LRP2: variants seen among roughly 807,000 people sequenced by gnomAD.
LRP2 encodes low-density lipoprotein receptor-related protein 2.
In LRP2, 172 loss-of-function variants were observed where a neutral mutation model predicts 531.0. That is an observed-to-expected ratio of 0.32 (90% confidence interval 0.29 to 0.37). The LOEUF is 0.37. Among genes scored for constraint, LRP2 ranks in the 10% least tolerant of loss-of-function variants. The pLI is 1.00. For missense variants in LRP2, 5,167 were observed against 5,868.3 expected (o/e 0.88, Z 3.90); for synonymous variants, 1,992 against 2,027.6 (o/e 0.98, Z 0.47).
intron 63 of LRP2, among the ~76,000 whole-genome samples, chr2:169,161,984 G>T (rs921311621): frequency 6.6e-6 from 1 of 152,154 alleles, no homozygotes; most frequent in African/African-American, 2.4e-5. Flanking sequence ...ATGTTGGCTT[G>T]CTGCACCCAT....
At position 169,216,360 on chromosome 2, in the gene LRP2, C is replaced by T. The variant is rs753578958; in HGVS notation, c.5719G>A (p.Gly1907Ser). ...PAKIASANMD[G>S]TSVKTLFTGN... Reference sequence around the variant, plus strand: ...GTAAAGAGAGTTTTCACAGATGTGCCATCCATGTTAGCACTGGCGATCTTG... The same window carrying T: ...GTAAAGAGAGTTTTCACAGATGTGCTATCCATGTTAGCACTGGCGATCTTG... The change falls in exon 35 of 79, where the codon GGC (glycine) becomes AGC (serine). Residue 1907 changes from glycine to serine, a missense_variant. By Grantham distance (56) the Gly-to-Ser change is moderately conservative. Coordinates refer to ENST00000649046, the MANE Select transcript of LRP2 (RefSeq NM_004525.3). The T allele has an allele frequency of 1.5e-5, 25 of 1,613,678 alleles. No individual in the cohort carries two copies. The highest frequency in any genetic ancestry group is 2.0e-5 in the Non-Finnish European group (24 of 1,179,714).
Position 169,132,693 on chromosome 2 carries a change from T to G in LRP2, c.13621-12A>C. 8.0e-7 allele frequency: 1 copy of G among 1,251,210 alleles called. No individual in the cohort carries two copies. The highest frequency in any genetic ancestry group is 1.2e-6 in the Non-Finnish European group (1 of 848,706). The allele number at this position is 1,251,210 out of a possible 1,614,324, so 77.5% of individuals were successfully genotyped here. A position where few individuals can be genotyped will look rare whatever the true frequency, so the allele number is the denominator to read the frequency against. On this transcript the variant is annotated splice_polypyrimidine_tract_variant and intron_variant, in intron 76 of 78. Coordinates refer to ENST00000649046, the MANE Select transcript of LRP2 (RefSeq NM_004525.3). Reference sequence around the variant, plus strand: ...TCAGATACAGTCACCTGTGGACATGTTAAAGGCCTTTACCCAATTTTGAAA... The same window carrying G: ...TCAGATACAGTCACCTGTGGACATGGTAAAGGCCTTTACCCAATTTTGAAA...
At chr2:169,201,002 C>G (rs1688185783) in intron 44 of LRP2, among the ~76,000 whole-genome samples, 1 of 152,120 alleles carries the variant, frequency 6.6e-6, no homozygotes, top group Admixed American at 6.5e-5. Context: ...ATACTCTTAC[C>G]CAAAGAATTG....
intron 47 of LRP2, 25 bp from the exon 48 acceptor site, chr2:169,192,058 A>C: frequency 1.3e-6 from 2 of 1,581,686 alleles, no homozygotes; most frequent in Non-Finnish European, 1.7e-6. Context: ...CGCAAGAATC[A>C]GAAAGCATGA....
intron 45 of LRP2, 132 bp from the exon 46 acceptor site, chr2:169,197,162 G>A (rs1688032113): frequency 9.8e-7 from 1 of 1,016,304 alleles, no homozygotes; most frequent in Non-Finnish European, 1.5e-6. Flanking sequence ...GAAAATGGAT[G>A]CTTGTGTAAG....
At chr2:169,289,973 T>C (rs1213451277) in intron 8 of LRP2, among the ~76,000 whole-genome samples, 1 of 152,188 alleles carries the variant, frequency 6.6e-6, no homozygotes, top group African/African-American at 2.4e-5. Context: ...GGGTTGCAGT[T>C]ACATGGGCAC....
chr2:169,281,317 G>C (rs1683698032), intron 10 of LRP2, among the ~76,000 whole-genome samples: 1 of 152,198 alleles, frequency 6.6e-6, no homozygotes, highest in Non-Finnish European at 1.5e-5. Context: ...AGCTACTCAG[G>C]AGGCTGAGGC....
chr2:169,258,348 A>G (rs1351751769), intron 17 of LRP2, among the ~76,000 whole-genome samples: 1 of 152,126 alleles, frequency 6.6e-6, no homozygotes, highest in Admixed American at 6.6e-5. Context: ...GAAGCTGATG[A>G]GATTATATAT....
Position 169,207,186 on chromosome 2 carries a change from A to G in LRP2, c.6534T>C (p.Thr2178=), listed in dbSNP as rs2105334098. 1 of 1,614,000 alleles carries G rather than the reference A, an allele frequency of 6.2e-7. No individual in the cohort carries two copies. Among genetic ancestry groups the G allele is most frequent in the East Asian group, 2.2e-5 (1 of 44,886 alleles). The stretch of plus-strand genomic sequence containing the variant: ...CTTTAAGAAGAACACGGCGGTAAGT[A>G]GTATTGATCCGCAGAACTTCTATCA... The part of the protein sequence containing the change: ...ETLIEVLRIN[T]TYRRVLLKVT... Residue 2178 remains threonine, a synonymous_variant, in exon 39 of 79, where the codon ACT becomes ACC. Coordinates refer to ENST00000649046, the MANE Select transcript of LRP2 (RefSeq NM_004525.3).
chr2:169,288,108 T>G (rs1683906155), intron 9 of LRP2, among the ~76,000 whole-genome samples: 1 of 152,094 alleles, frequency 6.6e-6, no homozygotes, highest in South Asian at 2.1e-4. Flanking sequence ...CCAACAGCAG[T>G]AAAAATAGTT....
Position 169,132,610 on chromosome 2 carries a change from C to T in LRP2, c.13692G>A (p.Glu4564=), listed in dbSNP as rs552294412. The T allele has an allele frequency of 1.3e-4, 205 of 1,611,306 alleles. 3 individuals are homozygous for T. The South Asian group carries it at 2.1e-3, about 17-fold the overall frequency. ...CAGCAGCTGGTGAAGTTGGGTTTGT[C>T]TCTGGAACTATCTCAGAAGGGTTTA... is the stretch of plus-strand genomic sequence containing the variant. ...SPINPSEIVP[E]TNPTSPAADG... Residue 4564 remains glutamate (E), a synonymous_variant, in exon 77 of 79, where the codon GAG becomes GAA. Transcript: ENST00000649046.
At chr2:169,303,787 A>G (rs1015787053) in intron 4 of LRP2, among the ~76,000 whole-genome samples, 3 of 152,214 alleles carry the variant, frequency 2.0e-5, no homozygotes, top group African/African-American at 7.2e-5. Flanking sequence ...CATGCATGTG[A>G]TTCATTTTAG....
chr2:169,212,166 C>T lies in LRP2; in HGVS notation c.6082G>A (p.Ala2028Thr), dbSNP rs1688617525. 6 of 1,614,068 alleles carry T rather than the reference C, an allele frequency of 3.7e-6. No homozygotes were observed. Among genetic ancestry groups the T allele is most frequent in the Non-Finnish European group, 5.1e-6 (6 of 1,179,942 alleles). Reference sequence around the variant, plus strand: ...ACAGGCAGGCAAATCTGCTGACAGGCATTCATGTTGTTGCTACAGCCATTT... The same window carrying T: ...ACAGGCAGGCAAATCTGCTGACAGGTATTCATGTTGTTGCTACAGCCATTT... ...SSNGCSNNMN[A>T]CQQICLPVPG... The change falls in exon 37 of 79, where the codon GCC becomes ACC. Residue 2028 changes from alanine to threonine, a missense_variant. Ala to Thr is a moderately conservative substitution (Grantham distance 58, BLOSUM62 0). This residue lies in a region of LRP2 where 2,811 missense variants were observed against 3,058.0 expected (regional missense o/e 0.92). Transcript: ENST00000649046.
At chr2:169,150,853 C>T in intron 68 of LRP2, 45 bp downstream of exon 68, 1 of 1,611,376 alleles carries the variant, frequency 6.2e-7, no homozygotes, top group Admixed American at 1.7e-5. Flanking sequence ...TGATGAGAAT[C>T]CAGGGAGAAA....
intron 7 of LRP2, 29 bp from the exon 8 acceptor site, chr2:169,291,026 G>C: frequency 6.2e-7 from 1 of 1,609,964 alleles, no homozygotes; most frequent in Non-Finnish European, 8.5e-7. Context: ...AGAGTTACAG[G>C]CCATAGGGGA....
chr2:169,262,907 A>G (rs998617639), intron 16 of LRP2, among the ~76,000 whole-genome samples: 5 of 152,208 alleles, frequency 3.3e-5, no homozygotes, highest in Admixed American at 2.0e-4. Context: ...GATATAGACC[A>G]ATGGAACAGA....
chr2:169,301,812 T>C (rs1026306363), intron 4 of LRP2, among the ~76,000 whole-genome samples: 26 of 152,096 alleles, frequency 1.7e-4, no homozygotes, highest in African/African-American at 5.6e-4. Context: ...TACTCTGTCT[T>C]GGAGCTCAGT....
At chr2:169,354,167 C>G (rs974514822) in intron 1 of LRP2, among the ~76,000 whole-genome samples, 2 of 152,158 alleles carry the variant, frequency 1.3e-5, no homozygotes, top group African/African-American at 2.4e-5. Context: ...GAATGTCCAG[C>G]ATAACAGAAG....
chr2:169,238,618 G>T (rs1689693103), intron 26 of LRP2, among the ~76,000 whole-genome samples: 1 of 151,856 alleles, frequency 6.6e-6, no homozygotes, highest in African/African-American at 2.4e-5. Context: ...TTGTACTTTG[G>T]TTATCTTCCT....
Sources: gnomAD v4.1 joint callset for allele counts (sites outside exome capture counted in the v4.1 genomes callset) on GRCh38, gnomAD v4.1.1 for gene constraint, gnomAD v4.1.1 regional missense constraint, MANE v1.5 for transcripts, NCBI Gene and HGNC (gene_info 2026-07-23, HGNC 2026-07-21) for gene names.